RBBP6: variants seen among roughly 807,000 people sequenced by gnomAD.
RBBP6 encodes RB binding protein 6, ubiquitin ligase, also known as E3 ubiquitin-protein ligase RBBP6.
A neutral mutation model predicts 167.7 loss-of-function variants in RBBP6; 25 were observed. That is an observed-to-expected ratio of 0.15 (90% CI 0.11 to 0.21). The LOEUF is 0.21. RBBP6 is among the 10% of genes least tolerant of loss of function. The pLI is 1.00. For missense variants in RBBP6, 1,868 were observed against 2,134.2 expected (o/e 0.88, Z 2.46); for synonymous variants, 789 against 735.8 (o/e 1.07, Z -1.17).
chr16:24,553,224 T>C (rs756853413), intron 3 of RBBP6: 1 of 301,534 alleles, frequency 3.3e-6, no homozygotes. Context: ...TAGGGAGATA[T>C]GGGACTCCTA....
intron 3 of RBBP6, among the ~76,000 whole-genome samples, chr16:24,552,492 A>G (rs1898820238): frequency 1.3e-5 from 2 of 151,932 alleles, no homozygotes; most frequent in South Asian, 2.1e-4. Flanking sequence ...TAGGGAAATC[A>G]TATCTTCAAG....
chr16:24,545,315 GC>G (rs1168492967), intron 1 of RBBP6, among the ~76,000 whole-genome samples: 1 of 151,986 alleles, frequency 6.6e-6, no homozygotes, highest in East Asian at 1.9e-4. Context: ...CTCGTGATCC[GC>G]CCCCCTCAGC....
At chr16:24,558,339 C>A in intron 7 of RBBP6, 2 of 369,978 alleles carry the variant, frequency 5.4e-6, no homozygotes, top group Non-Finnish European at 3.7e-6. Context: ...GCAACTCAGA[C>A]TCTTCTTCTG....
intron 16 of RBBP6, 143 bp from the exon 17 acceptor site, chr16:24,568,602 C>T (rs1899248609): frequency 7.5e-6 from 9 of 1,199,814 alleles, no homozygotes; most frequent in Non-Finnish European, 1.0e-5. Flanking sequence ...CAGTAGAGGT[C>T]ACTGTGCCTC....
At chr16:24,540,894 T>C in intron 1 of RBBP6, 102 bp downstream of exon 1, 2 of 1,398,814 alleles carry the variant, frequency 1.4e-6, no homozygotes, top group Non-Finnish European at 1.9e-6. Flanking sequence ...TAGTGGGGAC[T>C]GTTCGTTCTA....
At position 24,568,789 on chromosome 16, in the gene RBBP6, A is replaced by T. The variant is rs771572103; in HGVS notation, c.2099A>T (p.Tyr700Phe). The change falls in exon 17 of 18, where the codon TAT becomes TTT. Residue 700 changes from tyrosine to phenylalanine, a missense_variant. Physicochemically the swap from Tyr to Phe is conservative, Grantham distance 22. Around this residue, in one of 7 missense-constraint regions of RBBP6, gnomAD observed 145 missense variants for 224.3 expected, o/e 0.65. Transcript: ENST00000319715. Reference protein sequence around the residue: ...YSGSSYSRSSYTYSKSRSGST... With the variant: ...YSGSSYSRSSFTYSKSRSGST... ...GGTTCTTCGTATTCAAGAAGTTCAT[A>T]TACTTATTCTAAATCAAGATCTGGT... 6.2e-7 allele frequency: 1 copy of T among 1,614,218 alleles called. No individual in the cohort carries two copies. Among genetic ancestry groups the T allele is most frequent in the East Asian group, 2.2e-5 (1 of 44,884 alleles).
chr16:24,551,794 T>G (rs1187788184), intron 3 of RBBP6, among the ~76,000 whole-genome samples: 1 of 151,806 alleles, frequency 6.6e-6, no homozygotes, highest in Non-Finnish European at 1.5e-5. Context: ...TGGGCTATTT[T>G]TAAAGACTAT....
chr16:24,549,196 CTG>C (rs1898738888), intron 3 of RBBP6: 5 of 1,422,030 alleles, frequency 3.5e-6, no homozygotes, highest in Non-Finnish European at 4.6e-6. Flanking sequence ...GCCCGTAACA[CTG>C]TTTCATATTA....
In RBBP6 at chr16:24,571,516, A is replaced by G. The variant is rs773329233; in HGVS notation, c.4450A>G (p.Ser1484Gly). 16 of 1,613,422 alleles carry G rather than the reference A, an allele frequency of 9.9e-6. No homozygotes were observed. Among genetic ancestry groups the G allele is most frequent in the African/African-American group, 5.3e-5 (4 of 74,876 alleles). Residue 1484 changes from serine to glycine, a missense_variant, in exon 18 of 18, where the codon AGT becomes GGT. By Grantham distance (56) the Ser-to-Gly change is moderately conservative. Coordinates refer to ENST00000319715, the MANE Select transcript of RBBP6 (RefSeq NM_006910.5). ...TGACTATGACACCAGAGAGTATTCA[A>G]GTTCCAAACGTAGAGATGAAAAGAA... Reference protein sequence around the residue: ...KTDYDTREYSSSKRRDEKNEL... With the variant: ...KTDYDTREYSGSKRRDEKNEL...
At chr16:24,541,191 AAC>A (rs1898480627) in intron 1 of RBBP6, among the ~76,000 whole-genome samples, 9 of 78,504 alleles carry the variant, frequency 1.1e-4, no homozygotes, top group African/African-American at 2.1e-4. Flanking sequence ...CAAAAAAAAA[AAC>A]AAAAAAAAAA....
At chr16:24,562,653 T>C (rs1362972858) in intron 10 of RBBP6, among the ~76,000 whole-genome samples, 2 of 151,746 alleles carry the variant, frequency 1.3e-5, no homozygotes, top group East Asian at 3.9e-4. Flanking sequence ...ATGAGACTTT[T>C]GTCCATGTAG....
rs766432172 is a variant in RBBP6, at chr16:24,540,592, G to C, written c.-35G>C. On this transcript the variant is annotated 5_prime_UTR_variant, in exon 1 of 18. Transcript: ENST00000319715. Reference sequence around the variant, plus strand: ...ATATACGTATATTGAGAGTGTCCACGTCTCCTCGCTGAACCTTAGGAATCC... The same window carrying C: ...ATATACGTATATTGAGAGTGTCCACCTCTCCTCGCTGAACCTTAGGAATCC... The C allele has an allele frequency of 5.7e-6, 9 of 1,580,272 alleles. No homozygotes were observed. Among genetic ancestry groups the C allele is most frequent in the Non-Finnish European group, 5.2e-6 (6 of 1,156,130 alleles).
Position 24,546,214 on chromosome 16 carries a change from G to A in RBBP6, c.218G>A (p.Arg73Lys). 1 of 1,592,288 alleles carries A rather than the reference G, an allele frequency of 6.3e-7. No homozygotes were observed. Among genetic ancestry groups the A allele is most frequent in the Non-Finnish European group, 8.5e-7 (1 of 1,173,442 alleles). Residue 73 changes from arginine to lysine, a missense_variant, in exon 2 of 18, where the codon AGA becomes AAA. Transcript: ENST00000319715. ...LIPKNSSVIVRRIPIGGVKST... is the reference protein window; with the variant it reads ...LIPKNSSVIVKRIPIGGVKST... ...CCTAAGAATTCTTCTGTAATTGTTA[G>A]AAGAATTCCTATTGGAGGTGTTAAA...
rs1374928526 is a variant in RBBP6, at chr16:24,563,230, G to C, written c.1321G>C (p.Ala441Pro). ...TGATAATAAAATATTGCCAGCTGCA[G>C]CTCTTGCATCAGAGCACTCAAAGGG... ...DSDNKILPAA[A>P]LASEHSKGTS... Residue 441 changes from alanine (A) to proline (P), a missense_variant, in exon 11 of 18, where the codon GCT becomes CCT. Transcript: ENST00000319715. 1 of 1,610,226 alleles carries C rather than the reference G, an allele frequency of 6.2e-7. No homozygotes were observed. The highest frequency in any genetic ancestry group is 1.7e-5 in the Admixed American group (1 of 59,802).
chr16:24,572,501 TA>T lies in RBBP6; in HGVS notation c.*57del. 6.8e-7 allele frequency: 1 copy of T among 1,473,890 alleles called. No homozygotes were observed. The allele number at this position is 1,473,890 out of a possible 1,614,324, so 91.3% of individuals were successfully genotyped here. ...CTAAGTCATCTGTATTAAATTTTGT[TA>T]TAATGTAAAGAGATTCAAGCCTTGT... On this transcript the variant is annotated 3_prime_UTR_variant, in exon 18 of 18. Transcript: ENST00000319715.
chr16:24,570,862 G>T lies in RBBP6; in HGVS notation c.3810-14G>T, dbSNP rs1158440200. 1 of 1,419,262 alleles carries T rather than the reference G, an allele frequency of 7.0e-7. No homozygotes were observed. The highest frequency in any genetic ancestry group is 9.3e-7 in the Non-Finnish European group (1 of 1,077,698). The allele number at this position is 1,419,262 out of a possible 1,614,324, so 87.9% of individuals were successfully genotyped here. A position where few individuals can be genotyped will look rare whatever the true frequency, so the allele number is the denominator to read the frequency against. On this transcript the variant is annotated splice_polypyrimidine_tract_variant and intron_variant, in intron 17 of 17. Transcript: ENST00000319715. The stretch of plus-strand genomic sequence containing the variant: ...ATTCTTCATTAATTAAAAATATTTT[G>T]TTATTCTTTTTAGTACGAGCTCAAC...
rs1200295708 is a variant in RBBP6 at position 24,569,705 on chromosome 16, CAAG to C, written c.3017_3019del (p.Lys1006del). 1.9e-6 allele frequency: 3 copies of C among 1,613,688 alleles called. No homozygotes were observed. The highest frequency in any genetic ancestry group is 2.5e-6 in the Non-Finnish European group (3 of 1,179,974). On this transcript the variant is annotated inframe_deletion, in exon 17 of 18. Transcript: ENST00000319715. The stretch of plus-strand genomic sequence containing the variant: ...CTTTTAAATCAGTGTCTGAAAAAGA[CAAG>C]AGAGAAAGGGATAAACCAAAAGCAA...
Position 24,570,354 on chromosome 16 carries a change from A to G in RBBP6, c.3664A>G (p.Thr1222Ala). The G allele has an allele frequency of 1.2e-6, 2 of 1,612,968 alleles. No individual in the cohort carries two copies. The highest frequency in any genetic ancestry group is 1.7e-6 in the Non-Finnish European group (2 of 1,179,790). Residue 1222 changes from threonine (T) to alanine (A), a missense_variant, in exon 17 of 18, where the codon ACA (threonine) becomes GCA (alanine). Thr to Ala is a moderately conservative substitution (Grantham distance 58). Around this residue, in one of 7 missense-constraint regions of RBBP6, gnomAD observed 673 missense variants for 691.5 expected, o/e 0.97. Coordinates refer to ENST00000319715, the MANE Select transcript of RBBP6 (RefSeq NM_006910.5). ...AGAAACTGGGAAGAAAATTGGAAGT[A>G]CAGAAAATATATCAAACACAAAAGA... is the stretch of plus-strand genomic sequence containing the variant. ...NRETGKKIGS[T>A]ENISNTKEPS...
At position 24,571,906 on chromosome 16, in the gene RBBP6, C is replaced by T; in HGVS notation, c.4840C>T (p.Pro1614Ser). ...TGQIDKSTVK[P>S]KPQLSHSSRL... The stretch of plus-strand genomic sequence containing the variant: ...GCAAATTGACAAGAGTACTGTCAAG[C>T]CTAAACCCCAGTTAAGTCATTCCTC... The change falls in exon 18 of 18, where the codon CCT becomes TCT. Residue 1614 changes from proline (P) to serine (S), a missense_variant. Pro to Ser is a moderately conservative substitution (Grantham distance 74). This residue lies in a region of RBBP6 where 591 missense variants were observed against 540.5 expected (regional missense o/e 1.09). Transcript: ENST00000319715. 1.2e-6 allele frequency: 2 copies of T among 1,614,036 alleles called. No homozygotes were observed. Among genetic ancestry groups the T allele is most frequent in the Non-Finnish European group, 1.7e-6 (2 of 1,179,964 alleles).
Sources: gnomAD v4.1 joint callset for allele counts (sites outside exome capture counted in the v4.1 genomes callset) on GRCh38, gnomAD v4.1.1 for gene constraint, gnomAD v4.1.1 regional missense constraint, MANE v1.5 for transcripts, NCBI Gene and HGNC (gene_info 2026-07-23, HGNC 2026-07-21) for gene names.